Variants in CDH10 observed in about 807,000 individuals in gnomAD.
CDH10 encodes the protein cadherin-10.
CDH10 carries 30 observed loss-of-function variants against 73.1 expected under a neutral mutation model. The ratio of observed to expected loss-of-function variants is 0.41; its 90% CI spans 0.31 to 0.56. The LOEUF (loss-of-function observed/expected upper bound fraction) is 0.56. Among genes scored for constraint, CDH10 ranks in the 20% least tolerant of loss-of-function variants. CDH10 has a pLI of 0.27. For synonymous variants in CDH10, 345 were observed against 348.2 expected (o/e 0.99, Z 0.10); for missense variants, 815 against 973.7 (o/e 0.84, Z 2.17).
rs753007579 is a variant in CDH10 at position 24,560,210 on chromosome 5, G to GTATGTGTGTA, written c.232-22537_232-22536insTACACACATA. Among the ~76,000 whole-genome samples, 291 of 35,022 alleles carry GTATGTGTGTA rather than the reference G, an allele frequency of 8.3e-3. 3 individuals are homozygous for GTATGTGTGTA. Among genetic ancestry groups the GTATGTGTGTA allele is most frequent in the African/African-American group, 0.012 (279 of 22,822 alleles). The allele number at this position is 35,022 out of a possible 152,430, so 23.0% of individuals were successfully genotyped here. On this transcript the variant is annotated intron_variant, in intron 2 of 11. Transcript: ENST00000264463. The stretch of plus-strand genomic sequence containing the variant: ...TGGAAATATTTGCAATTGTGTGTGT[G>GTATGTGTGTA]TGTGTGTGTGTGTGTGTGTGTGTGT...
intron 7 of CDH10, among the ~76,000 whole-genome samples, chr5:24,508,770 T>C (rs1394602376): frequency 3.3e-5 from 5 of 152,200 alleles, no homozygotes; most frequent in Non-Finnish European, 7.3e-5. Context: ...ATGTCCAACA[T>C]GGCTTCCCAA....
chr5:24,548,980 G>A (rs527842528), intron 2 of CDH10, among the ~76,000 whole-genome samples: 2 of 152,056 alleles, frequency 1.3e-5, no homozygotes, highest in Admixed American at 1.3e-4. Context: ...TAATAATTGA[G>A]ATAAAATGAA....
chr5:24,509,928 C>A, intron 6 of CDH10, 109 bp from the exon 7 acceptor site: 1 of 695,738 alleles, frequency 1.4e-6, no homozygotes. Context: ...TTACATAGTT[C>A]ATTAATTATA....
chr5:24,496,046 A>G (rs1345938364), intron 9 of CDH10, among the ~76,000 whole-genome samples: 1 of 152,106 alleles, frequency 6.6e-6, no homozygotes, highest in East Asian at 1.9e-4. Context: ...AGATATTTAA[A>G]GTGACAAAAC....
chr5:24,643,975 T>A (rs150529118), intron 1 of CDH10, among the ~76,000 whole-genome samples: 2 of 152,224 alleles, frequency 1.3e-5, no homozygotes, highest in East Asian at 3.9e-4. Context: ...CTCCCCCCAA[T>A]ACTTCTGACT....
chr5:24,487,374 G>T lies in CDH10; in HGVS notation c.*289C>A. The T allele has an allele frequency of 3.5e-6, 1 of 286,678 alleles. No homozygotes were observed. Among genetic ancestry groups the T allele is most frequent in the Non-Finnish European group, 6.6e-6 (1 of 152,618 alleles). 17.8% of individuals were successfully genotyped at this position (286,678 alleles called of 1,614,324 possible). A position where few individuals can be genotyped will look rare whatever the true frequency, so the allele number is the denominator to read the frequency against. ...CGGCTTGTTTGTGAGGTTGCTTAAGGGAGAACTATCCTGTTCATGTTTCTG... is the reference window on the plus strand; with the variant it reads ...CGGCTTGTTTGTGAGGTTGCTTAAGTGAGAACTATCCTGTTCATGTTTCTG... On this transcript the variant is annotated 3_prime_UTR_variant, in exon 12 of 12. Transcript: ENST00000264463.
intron 1 of CDH10, among the ~76,000 whole-genome samples, chr5:24,605,474 G>A (rs1279872436): frequency 6.6e-6 from 1 of 152,192 alleles, no homozygotes; most frequent in Non-Finnish European, 1.5e-5. Context: ...GACAATCTGA[G>A]GTGGAACAGT....
intron 3 of CDH10, among the ~76,000 whole-genome samples, chr5:24,536,527 G>C (rs577205533): frequency 2.5e-4 from 38 of 151,942 alleles, no homozygotes; most frequent in Non-Finnish European, 3.8e-4. Flanking sequence ...ACACATATTT[G>C]AGAAGTGTCT....
intron 1 of CDH10, among the ~76,000 whole-genome samples, chr5:24,619,541 G>C (rs1471096266): frequency 6.6e-6 from 1 of 152,148 alleles, no homozygotes; most frequent in East Asian, 1.9e-4. Flanking sequence ...TTTTAAAGTT[G>C]ATGCTGGAAC....
intron 2 of CDH10, among the ~76,000 whole-genome samples, chr5:24,567,172 T>G (rs1745192879): frequency 6.6e-6 from 1 of 152,204 alleles, no homozygotes; most frequent in Middle Eastern, 3.4e-3. Context: ...CCTTTTAGAA[T>G]GACTCATTGA....
rs2111882289 is a variant in CDH10, at chr5:24,535,709, C to T, written c.640G>A (p.Glu214Lys). The T allele has an allele frequency of 6.2e-7, 1 of 1,609,892 alleles. No homozygotes were observed. Among genetic ancestry groups the T allele is most frequent in the Non-Finnish European group, 8.5e-7 (1 of 1,177,802 alleles). ...QGQPYFSVEP[E>K]TGIIRTALPN... ...GCAATTCATGATTCCTGACCTGTTT[C>T]AGGCTCCACAGAGAAATAGGGCTGC... Residue 214 changes from glutamate (E) to lysine (K), a missense_variant, in exon 4 of 12, where the codon GAA (glutamate) becomes AAA (lysine). This residue lies in a region of CDH10 where 516 missense variants were observed against 636.6 expected (regional missense o/e 0.81). Coordinates refer to ENST00000264463, the MANE Select transcript of CDH10 (RefSeq NM_006727.5).
chr5:24,513,207 C>A (rs895781381), intron 5 of CDH10, among the ~76,000 whole-genome samples: 1 of 151,928 alleles, frequency 6.6e-6, no homozygotes. Flanking sequence ...TTAGTAGAGA[C>A]CGGATTTTAC....
intron 7 of CDH10, among the ~76,000 whole-genome samples, chr5:24,507,343 A>G (rs181548839): frequency 2.0e-3 from 302 of 151,398 alleles, no homozygotes; most frequent in Admixed American, 7.7e-3. Context: ...TATTTTTGCT[A>G]TAATATGTAT....
At chr5:24,597,302 T>G (rs1304197924) in intron 1 of CDH10, among the ~76,000 whole-genome samples, 1 of 152,138 alleles carries the variant, frequency 6.6e-6, no homozygotes, top group Non-Finnish European at 1.5e-5. Flanking sequence ...ATTTCTAATA[T>G]GTTCACCTAT....
At chr5:24,489,285 A>G (rs1011301624) in intron 11 of CDH10, among the ~76,000 whole-genome samples, 1 of 152,100 alleles carries the variant, frequency 6.6e-6, no homozygotes, top group Non-Finnish European at 1.5e-5. Context: ...TTTTATTAAC[A>G]TGGAATGCAC....
At chr5:24,545,277 T>C (rs576984409) in intron 2 of CDH10, among the ~76,000 whole-genome samples, 1 of 152,328 alleles carries the variant, frequency 6.6e-6, no homozygotes, top group East Asian at 1.9e-4. Context: ...TTCTTAAGAA[T>C]CTTGGATTTA....
intron 1 of CDH10, among the ~76,000 whole-genome samples, chr5:24,626,489 G>A (rs7380367): frequency 0.58 from 88,673 of 152,016 alleles, 30,538 homozygotes; most frequent in East Asian, 0.75. Context: ...CGTTAAGCAT[G>A]ATTATATTAA....
intron 2 of CDH10, among the ~76,000 whole-genome samples, chr5:24,580,553 G>A (rs1745762320): frequency 6.6e-6 from 1 of 151,960 alleles, no homozygotes; most frequent in African/African-American, 2.4e-5. Flanking sequence ...ATTAAGCCGA[G>A]TATCCATTAG....
intron 9 of CDH10, among the ~76,000 whole-genome samples, chr5:24,493,771 C>T (rs1742156731): frequency 6.6e-6 from 1 of 151,642 alleles, no homozygotes; most frequent in African/African-American, 2.4e-5. Context: ...TACACTGATG[C>T]CTACATAGTC....
Sources: allele counts gnomAD v4.1 joint callset (sites outside exome capture counted in the v4.1 genomes callset), GRCh38; gene constraint gnomAD v4.1.1; regional missense constraint gnomAD v4.1.1; transcripts MANE v1.5; gene names NCBI Gene and HGNC (gene_info 2026-07-23, HGNC 2026-07-21).